The following SIRPD variants were observed in gnomAD, a reference collection of about 807,000 sequenced individuals.
SIRPD encodes signal-regulatory protein delta.
Under a neutral mutation model 18.0 loss-of-function variants are expected in SIRPD, and 21 were observed. The ratio of observed to expected loss-of-function variants is 1.17; its 90% confidence interval spans 0.83 to 1.68. The LOEUF (loss-of-function observed/expected upper bound fraction) is 1.68. Ranked by LOEUF, SIRPD falls within the 40% of genes most tolerant of loss-of-function variation. The probability of loss-of-function intolerance (pLI) is 0.00; values close to 1 mark genes in which losing one functional copy is unlikely to be tolerated. For synonymous variants in SIRPD, 106 were observed against 92.9 expected, an observed-to-expected ratio of 1.14 and a Z score of -0.81; for missense variants, 295 against 238.4, an observed-to-expected ratio of 1.24 and a Z score of -1.56.
intron 2 of SIRPD, among the ~76,000 whole-genome samples, chr20:1,550,624 A>T (rs2091014583): frequency 6.6e-6 from 1 of 152,164 alleles, no homozygotes; most frequent in African/African-American, 2.4e-5. Context: ...TACAGAATCA[A>T]TCAACTCATA....
Position 1,534,270 on chromosome 20 carries a change from C to G in SIRPD, c.*155G>C, listed in dbSNP as rs2090935904. 6 of 1,015,890 alleles carry G rather than the reference C, an allele frequency of 5.9e-6. No homozygotes were observed. Among genetic ancestry groups the G allele is most frequent in the Non-Finnish European group, 8.8e-6 (6 of 680,276 alleles). 62.9% of individuals were successfully genotyped at this position (1,015,890 alleles called of 1,614,324 possible). On this transcript the variant is annotated 3_prime_UTR_variant, in exon 4 of 4. Transcript: ENST00000381623. ...CTGGAATTGGACCCAGGTAAATAGACAGATTTATTGTACGATCAAGCTGGC... is the reference window on the plus strand; with the variant it reads ...CTGGAATTGGACCCAGGTAAATAGAGAGATTTATTGTACGATCAAGCTGGC...
At position 1,542,452 on chromosome 20, in the gene SIRPD, T is replaced by C. The variant is rs527467318; in HGVS notation, c.422-5142A>G. On this transcript the variant is annotated intron_variant, in intron 2 of 3. Transcript: ENST00000381623. ...TGGCTTTCTGATTGTCGATTATTGA[T>C]GTATAGGAATGCTTGTGATTTTTGC... is the stretch of plus-strand genomic sequence containing the variant. Among the ~76,000 whole-genome samples, 18 of 152,318 alleles carry C rather than the reference T, an allele frequency of 1.2e-4. 1 individual carries two copies. The South Asian group carries it at 3.7e-3, about 32-fold the overall frequency.
Position 1,551,804 on chromosome 20 carries a change from C to T in SIRPD, c.308G>A (p.Arg103His), listed in dbSNP as rs544459032. 9.9e-5 allele frequency: 160 copies of T among 1,614,054 alleles called. 1 individual carries two copies. In the East Asian group the frequency reaches 1.7e-3, roughly 18 times the overall value. ...TKPGNTDFST[R>H]IREISLADAG... ...ATCAGCAAGAGAGATTTCACGGATG[C>T]GGGTGGAAAAGTCTGTGTTGCCAGG... The change falls in exon 2 of 4, where the codon CGC (arginine) becomes CAC (histidine). Residue 103 changes from arginine to histidine, a missense_variant. By Grantham distance (29) the Arg-to-His change is conservative (BLOSUM62 0). Coordinates refer to ENST00000381623, the MANE Select transcript of SIRPD (RefSeq NM_178460.3).
At chr20:1,542,200 G>C (rs2090975107) in intron 2 of SIRPD, among the ~76,000 whole-genome samples, 1 of 152,118 alleles carries the variant, frequency 6.6e-6, no homozygotes, top group African/African-American at 2.4e-5. Flanking sequence ...AGCTCGATGG[G>C]AATAGCATTG....
At chr20:1,537,103 A>G in intron 3 of SIRPD, 52 bp downstream of exon 3, 2 of 1,585,032 alleles carry the variant, frequency 1.3e-6, no homozygotes, top group African/African-American at 1.3e-5. Flanking sequence ...TACCGCCGCC[A>G]AACTCAGGAG....
chr20:1,555,262 G>A (rs376320754), intron 1 of SIRPD, among the ~76,000 whole-genome samples: 1 of 152,104 alleles, frequency 6.6e-6, no homozygotes, highest in South Asian at 2.1e-4. Flanking sequence ...GTGGAATGTC[G>A]CTTATATGTG....
intron 2 of SIRPD, among the ~76,000 whole-genome samples, chr20:1,547,586 T>C (rs1004096736): frequency 7.2e-5 from 11 of 152,212 alleles, no homozygotes; most frequent in Admixed American, 5.9e-4. Context: ...AAAACGTGTG[T>C]TCTCCTACTT....
At chr20:1,543,296 C>A (rs1408038836) in intron 2 of SIRPD, among the ~76,000 whole-genome samples, 1 of 152,148 alleles carries the variant, frequency 6.6e-6, no homozygotes, top group African/African-American at 2.4e-5. Flanking sequence ...TTAATTACTG[C>A]CTCAATTTCG....
At chr20:1,537,402 T>C in intron 2 of SIRPD, 92 bp from the exon 3 acceptor site, 1 of 1,383,526 alleles carries the variant, frequency 7.2e-7, no homozygotes, top group South Asian at 1.3e-5. Context: ...CCGTTCCAGT[T>C]TCTAGATTGT....
intron 2 of SIRPD, among the ~76,000 whole-genome samples, chr20:1,541,598 C>T (rs758210946): frequency 6.6e-6 from 1 of 152,144 alleles, no homozygotes; most frequent in Non-Finnish European, 1.5e-5. Flanking sequence ...TGCCTGTTCA[C>T]TCTGATAATA....
At chr20:1,544,193 A>G (rs1568667575) in intron 2 of SIRPD, among the ~76,000 whole-genome samples, 1 of 152,094 alleles carries the variant, frequency 6.6e-6, no homozygotes, top group Non-Finnish European at 1.5e-5. Flanking sequence ...TTGATGTATC[A>G]AATATTGACA....
intron 1 of SIRPD, among the ~76,000 whole-genome samples, chr20:1,553,119 T>A (rs187243212): frequency 4.9e-4 from 75 of 152,312 alleles, no homozygotes; most frequent in Non-Finnish European, 9.3e-4. Context: ...AGTTCAAGTG[T>A]CAGGGAATGA....
chr20:1,552,842 C>G (rs2091025448), intron 1 of SIRPD, among the ~76,000 whole-genome samples: 1 of 152,118 alleles, frequency 6.6e-6, no homozygotes, highest in South Asian at 2.1e-4. Context: ...GGAAGGCAGC[C>G]TGCATTGACA....
intron 2 of SIRPD, among the ~76,000 whole-genome samples, chr20:1,542,120 C>G (rs1297011721): frequency 6.6e-6 from 1 of 152,054 alleles, no homozygotes; most frequent in African/African-American, 2.4e-5. Flanking sequence ...CTTGGCTATA[C>G]GAGCTGTTTT....
chr20:1,541,423 G>T (rs1321307508), intron 2 of SIRPD, among the ~76,000 whole-genome samples: 2 of 152,170 alleles, frequency 1.3e-5, no homozygotes, highest in Non-Finnish European at 2.9e-5. Context: ...TTTGTTGGCT[G>T]CATAAATGTC....
chr20:1,553,769 C>A (rs1208946482), intron 1 of SIRPD, among the ~76,000 whole-genome samples: 1 of 152,142 alleles, frequency 6.6e-6, no homozygotes, highest in African/African-American at 2.4e-5. Context: ...CAGTATTTGG[C>A]ACAGGTTGTC....
intron 2 of SIRPD, chr20:1,540,047 G>A (rs2090963875): frequency 4.1e-6 from 1 of 246,474 alleles, no homozygotes; most frequent in Non-Finnish European, 8.2e-6. Context: ...CTAAGTTTTG[G>A]GTAATTTGTT....
At position 1,537,236 on chromosome 20, in the gene SIRPD, A is replaced by G; in HGVS notation, c.496T>C (p.Cys166Arg). 1.9e-6 allele frequency: 3 copies of G among 1,614,118 alleles called. No individual in the cohort carries two copies. The highest frequency in any genetic ancestry group is 2.5e-6 in the Non-Finnish European group (3 of 1,180,014). The change falls in exon 3 of 4, where the codon TGC becomes CGC. Residue 166 changes from cysteine (C) to arginine (R), a missense_variant. Coordinates refer to ENST00000381623, the MANE Select transcript of SIRPD (RefSeq NM_178460.3). ...TTTCTCTCAGGCAGGGCCGAGAGGCAGGTATGGGCATCATGGTGGGCCCTG... is the reference window on the plus strand; with the variant it reads ...TTTCTCTCAGGCAGGGCCGAGAGGCGGGTATGGGCATCATGGTGGGCCCTG... ...GSRAHHDAHT[C>R]LSALPERNST...
At chr20:1,543,236 A>C (rs1600066040) in intron 2 of SIRPD, among the ~76,000 whole-genome samples, 1 of 152,194 alleles carries the variant, frequency 6.6e-6, no homozygotes, top group Non-Finnish European at 1.5e-5. Context: ...CTCTGGTAGA[A>C]TTCGGCTGTG....
Sources: allele counts gnomAD v4.1 joint callset (sites outside exome capture counted in the v4.1 genomes callset), GRCh38; gene constraint gnomAD v4.1.1; transcripts MANE v1.5; gene names NCBI Gene and HGNC (gene_info 2026-07-23, HGNC 2026-07-21).